The following MITF variants were observed in gnomAD, a reference collection of about 807,000 sequenced individuals.
MITF encodes the protein melanocyte inducing transcription factor.
A neutral mutation model predicts 60.5 loss-of-function variants in MITF; 17 were observed. The ratio of observed to expected loss-of-function variants is 0.28; its 90% CI spans 0.19 to 0.42. The LOEUF is 0.42. Ranked by LOEUF, MITF falls within the 10% of genes least tolerant of loss-of-function variation. The pLI, the probability that MITF is intolerant of heterozygous loss-of-function variation, is 1.00. For synonymous variants in MITF, 260 were observed against 248.5 expected (o/e 1.05, Z -0.43); for missense variants, 622 against 683.5 (o/e 0.91, Z 1.00).
At chr3:69,912,916 A>G (rs751081766) in intron 2 of MITF, among the ~76,000 whole-genome samples, 1 of 152,202 alleles carries the variant, frequency 6.6e-6, no homozygotes, top group African/African-American at 2.4e-5. Context: ...ATTACTTACC[A>G]TAGTGAAAAT....
chr3:69,953,386 C>A (rs1421236294), intron 7 of MITF, among the ~76,000 whole-genome samples: 1 of 152,022 alleles, frequency 6.6e-6, no homozygotes, highest in East Asian at 1.9e-4. Context: ...ACATGATCAG[C>A]TCAAACTCTG....
intron 2 of MITF, among the ~76,000 whole-genome samples, chr3:69,922,454 T>A (rs990446728): frequency 1.3e-5 from 2 of 152,160 alleles, no homozygotes; most frequent in Non-Finnish European, 2.9e-5. Context: ...TCTCTTGACG[T>A]TGTGATCCAC....
intron 7 of MITF, among the ~76,000 whole-genome samples, chr3:69,955,406 C>A (rs2066371716): frequency 6.6e-6 from 1 of 152,082 alleles, no homozygotes; most frequent in Non-Finnish European, 1.5e-5. Context: ...AATAGTACTA[C>A]TAGAAAATTT....
intron 2 of MITF, among the ~76,000 whole-genome samples, chr3:69,930,714 T>G (rs894557413): frequency 6.6e-6 from 1 of 152,248 alleles, no homozygotes; most frequent in Admixed American, 6.5e-5. Context: ...GTGTGTTCCC[T>G]GGACCGGCTG....
intron 1 of MITF, among the ~76,000 whole-genome samples, chr3:69,875,629 T>C (rs1327588868): frequency 1.3e-5 from 2 of 152,246 alleles, no homozygotes; most frequent in African/African-American, 4.8e-5. Context: ...CATTAGTAGC[T>C]TCAGCATCAC....
intron 2 of MITF, among the ~76,000 whole-genome samples, chr3:69,910,139 G>C (rs2065191619): frequency 6.6e-6 from 1 of 152,212 alleles, no homozygotes; most frequent in South Asian, 2.1e-4. Context: ...TCCAACTGTG[G>C]CTGAAAGGGG....
Position 69,770,691 on chromosome 3 carries a change from G to A in MITF, c.104+30990G>A, listed in dbSNP as rs1370298123. Among the ~76,000 whole-genome samples the A allele has an allele frequency of 2.6e-5, 4 of 152,124 alleles. No homozygotes were observed. The East Asian group carries it at 7.7e-4, about 29-fold the overall frequency. On this transcript the variant is annotated intron_variant, in intron 1 of 9. Transcript: ENST00000352241. ...AGTTCCTGCTCTCAAAAACCTTAGT[G>A]TTTAATGGAGCACGAAAGCAAGAAG...
intron 2 of MITF, among the ~76,000 whole-genome samples, chr3:69,934,464 G>A (rs1485010045): frequency 6.6e-6 from 1 of 152,160 alleles, no homozygotes; most frequent in African/African-American, 2.4e-5. Context: ...AGACAAAAAT[G>A]TTTGAGAATT....
In MITF at chr3:69,964,839, T is replaced by G; in HGVS notation, c.1180-8T>G. Reference sequence around the variant, plus strand: ...TATTTCAGTGTTTTATCTTTACTCTTATTATAGGAACTTGAAATGCAGGCT... The same window carrying G: ...TATTTCAGTGTTTTATCTTTACTCTGATTATAGGAACTTGAAATGCAGGCT... On this transcript the variant is annotated splice_polypyrimidine_tract_variant and splice_region_variant and intron_variant, in intron 9 of 9. Transcript: ENST00000352241. 2 of 1,613,900 alleles carry G rather than the reference T, an allele frequency of 1.2e-6. No homozygotes were observed. The highest frequency in any genetic ancestry group is 1.1e-5 in the South Asian group (1 of 91,088).
At chr3:69,820,048 TGG>T (rs1559650538) in intron 1 of MITF, among the ~76,000 whole-genome samples, 24 of 152,328 alleles carry the variant, frequency 1.6e-4, no homozygotes, top group African/African-American at 5.5e-4. Flanking sequence ...CCTTGAAATG[TGG>T]CTAGCCCAAA....
At chr3:69,746,799 A>C (rs1703743504) in intron 1 of MITF, among the ~76,000 whole-genome samples, 2 of 152,228 alleles carry the variant, frequency 1.3e-5, no homozygotes, top group African/African-American at 4.8e-5. Context: ...TTATAGAGAC[A>C]AACGAGGTCG....
intron 2 of MITF, among the ~76,000 whole-genome samples, chr3:69,908,905 G>A (rs1200222033): frequency 6.6e-6 from 1 of 152,142 alleles, no homozygotes; most frequent in Admixed American, 6.5e-5. Flanking sequence ...GATTATTTAT[G>A]TTTGTTTTAT....
chr3:69,944,308 G>A (rs1398705268), intron 5 of MITF, among the ~76,000 whole-genome samples: 3 of 152,036 alleles, frequency 2.0e-5, no homozygotes, highest in Non-Finnish European at 2.9e-5. Flanking sequence ...CTGTTCTCAC[G>A]GGGGTTACCA....
intron 1 of MITF, among the ~76,000 whole-genome samples, chr3:69,858,124 T>A (rs1005319523): frequency 1.5e-4 from 23 of 152,118 alleles, no homozygotes; most frequent in African/African-American, 5.1e-4. Flanking sequence ...ATGGTAATAT[T>A]CATTGGAATT....
intron 1 of MITF, among the ~76,000 whole-genome samples, chr3:69,848,569 C>G (rs944396761): frequency 6.6e-6 from 1 of 152,136 alleles, no homozygotes; most frequent in African/African-American, 2.4e-5. Flanking sequence ...GAAGAAGAAT[C>G]GAGTAGAATG....
Position 69,799,098 on chromosome 3 carries a change from G to A in MITF, c.104+59397G>A, listed in dbSNP as rs115364658. On this transcript the variant is annotated intron_variant, in intron 1 of 9. Transcript: ENST00000352241. ...CAACACACTCATTTGTTGAGGGAGT[G>A]AGTGAATAAATGAATGAATGATTAT... Among the ~76,000 whole-genome samples the A allele has an allele frequency of 4.4e-3, 663 of 152,290 alleles. 2 individuals carry two copies. The highest frequency in any genetic ancestry group is 0.015 in the African/African-American group (621 of 41,546).
At chr3:69,899,398 T>C (rs1281245080) in intron 2 of MITF, among the ~76,000 whole-genome samples, 1 of 152,174 alleles carries the variant, frequency 6.6e-6, no homozygotes, top group Non-Finnish European at 1.5e-5. Flanking sequence ...TAAAGGATTA[T>C]TGTCTTTATT....
At chr3:69,918,267 C>T (rs1474548864) in intron 2 of MITF, among the ~76,000 whole-genome samples, 2 of 152,062 alleles carry the variant, frequency 1.3e-5, no homozygotes, top group East Asian at 1.9e-4. Flanking sequence ...AGGCTAGTCT[C>T]GAACTTCTGA....
At chr3:69,893,413 C>A (rs1463481525) in intron 2 of MITF, among the ~76,000 whole-genome samples, 11 of 152,086 alleles carry the variant, frequency 7.2e-5, no homozygotes, top group Admixed American at 7.2e-4. Flanking sequence ...CATATGTTTT[C>A]TCAACCTGAA....
Sources: gnomAD v4.1 joint callset for allele counts (sites outside exome capture counted in the v4.1 genomes callset) on GRCh38, gnomAD v4.1.1 for gene constraint, MANE v1.5 for transcripts, NCBI Gene and HGNC (gene_info 2026-07-23, HGNC 2026-07-21) for gene names.